Variants in SMYD3 observed in about 807,000 individuals in gnomAD.
SMYD3 encodes the protein histone-lysine N-methyltransferase SMYD3.
In SMYD3, 36 loss-of-function variants were observed where a neutral mutation model predicts 57.7. That is an observed-to-expected ratio of 0.62 (90% CI 0.48 to 0.82). The LOEUF is 0.82. Ranked by LOEUF, SMYD3 falls within the 40% of genes least tolerant of loss-of-function variation. The probability of loss-of-function intolerance (pLI) is 0.00; values close to 1 mark genes in which losing one functional copy is unlikely to be tolerated. For missense variants in SMYD3, 515 were observed against 538.8 expected (o/e 0.96, Z 0.44); for synonymous variants, 211 against 195.0 (o/e 1.08, Z -0.68).
At chr1:245,826,997 A>G (rs142977737) in intron 10 of SMYD3, among the ~76,000 whole-genome samples, 99 of 152,174 alleles carry the variant, frequency 6.5e-4, no homozygotes, top group African/African-American at 2.2e-3. Flanking sequence ...AAACCTAACC[A>G]TATCACTCCT....
chr1:246,395,931 T>C (rs1387251809), intron 1 of SMYD3, among the ~76,000 whole-genome samples: 1 of 152,192 alleles, frequency 6.6e-6, no homozygotes, highest in East Asian at 1.9e-4. Flanking sequence ...CCTGCAGACG[T>C]CAAGACACCT....
Position 246,330,508 on chromosome 1 carries a change from C to G in SMYD3, c.366G>C (p.Lys122Asn), listed in dbSNP as rs1227395363. 6.3e-7 allele frequency: 1 copy of G among 1,593,350 alleles called. No homozygotes were observed. The highest frequency in any genetic ancestry group is 1.3e-5 in the African/African-American group (1 of 74,284). The change falls in exon 4 of 12, where the codon AAG becomes AAC. Residue 122 changes from lysine (K) to asparagine (N), a missense_variant. Coordinates refer to ENST00000490107, the MANE Select transcript of SMYD3 (RefSeq NM_001167740.2). ...LMDGAPSESE[K>N]LYSFYDLESN... is the part of the protein sequence containing the mutation. ...ACTCCAGATCATAAAATGAGTAAAG[C>G]TTCTCTGATTCTGAAGGTGCTCCAT...
intron 5 of SMYD3, among the ~76,000 whole-genome samples, chr1:246,300,512 T>A (rs2064875953): frequency 6.6e-6 from 1 of 152,130 alleles, no homozygotes; most frequent in Admixed American, 6.5e-5. Flanking sequence ...TGAATGAGAA[T>A]GCTATTGATC....
At chr1:245,962,264 G>A (rs1242013298) in intron 5 of SMYD3, among the ~76,000 whole-genome samples, 1 of 152,174 alleles carries the variant, frequency 6.6e-6, no homozygotes, top group African/African-American at 2.4e-5. Flanking sequence ...CCACCCTTGG[G>A]ACTTGACGCA....
chr1:246,314,301 C>G (rs1200637821), intron 5 of SMYD3, among the ~76,000 whole-genome samples: 1 of 152,082 alleles, frequency 6.6e-6, no homozygotes, highest in South Asian at 2.1e-4. Context: ...ATAATTAGGG[C>G]TCTAACAGAG....
At chr1:246,482,688 G>A (rs2103061372) in intron 1 of SMYD3, among the ~76,000 whole-genome samples, 1 of 152,240 alleles carries the variant, frequency 6.6e-6, no homozygotes, top group South Asian at 2.1e-4. Flanking sequence ...TGAACTAAAA[G>A]ACATATAATT....
chr1:246,255,382 A>C (rs1157960515), intron 5 of SMYD3, among the ~76,000 whole-genome samples: 1 of 151,302 alleles, frequency 6.6e-6, no homozygotes, highest in Non-Finnish European at 1.5e-5. Flanking sequence ...GGTTTTTATC[A>C]TGAGGGGATT....
At chr1:245,915,469 T>A in intron 8 of SMYD3, 61 bp downstream of exon 8, 1 of 1,067,498 alleles carries the variant, frequency 9.4e-7, no homozygotes, top group African/African-American at 1.6e-5. Context: ...TAGGCAGAGT[T>A]CTCTGAAGAT....
chr1:246,248,570 A>AAAG (rs1264905659), intron 5 of SMYD3, among the ~76,000 whole-genome samples: 1 of 151,240 alleles, frequency 6.6e-6, no homozygotes, highest in Non-Finnish European at 1.5e-5. Flanking sequence ...GTCAGGCTCC[A>AAAG]AAGTCTGAGT....
intron 5 of SMYD3, among the ~76,000 whole-genome samples, chr1:246,262,345 A>G (rs932277935): frequency 6.6e-6 from 1 of 152,192 alleles, no homozygotes; most frequent in Non-Finnish European, 1.5e-5. Flanking sequence ...GAATGGGAAT[A>G]ATGTGTTACT....
At chr1:245,877,395 T>A (rs1360966124) in intron 8 of SMYD3, among the ~76,000 whole-genome samples, 1 of 152,242 alleles carries the variant, frequency 6.6e-6, no homozygotes, top group Non-Finnish European at 1.5e-5. Flanking sequence ...TGATCCTGCA[T>A]GGGCAACATG....
At position 245,762,695 on chromosome 1, in the gene SMYD3, G is replaced by A. The variant is rs75670005; in HGVS notation, c.1185+1346C>T. 2.0e-3 allele frequency among the ~76,000 whole-genome samples: 307 copies of A among 152,344 alleles called. 2 individuals carry two copies. The highest frequency in any genetic ancestry group is 7.1e-3 in the African/African-American group (295 of 41,584). ...TTTAGAGATCAAGTAAAGGCGCTAT[G>A]GCTAGCATTCGGCGAAAATGAGCAC... On this transcript the variant is annotated intron_variant, in intron 11 of 11. Transcript: ENST00000490107.
chr1:246,016,672 T>A (rs552799862), intron 5 of SMYD3, among the ~76,000 whole-genome samples: 2 of 151,816 alleles, frequency 1.3e-5, no homozygotes, highest in Non-Finnish European at 2.9e-5. Context: ...GAAATCTTGC[T>A]CTCAGTAGGA....
At chr1:246,108,989 T>C (rs896154889) in intron 5 of SMYD3, among the ~76,000 whole-genome samples, 1 of 152,222 alleles carries the variant, frequency 6.6e-6, no homozygotes, top group Non-Finnish European at 1.5e-5. Flanking sequence ...GTTACATCTT[T>C]GCTCTGTGTT....
intron 1 of SMYD3, among the ~76,000 whole-genome samples, chr1:246,439,954 A>T (rs1356031230): frequency 6.6e-6 from 1 of 152,188 alleles, no homozygotes; most frequent in African/African-American, 2.4e-5. Flanking sequence ...TGTCTCAAAA[A>T]AAAGTGTTTT....
chr1:245,959,147 A>AC (rs776647280), intron 5 of SMYD3, among the ~76,000 whole-genome samples: 5 of 128,238 alleles, frequency 3.9e-5, no homozygotes, highest in African/African-American at 1.0e-4. Flanking sequence ...AAACAAACAA[A>AC]AAACAAACAA....
chr1:246,416,700 T>C (rs994665395), intron 1 of SMYD3, among the ~76,000 whole-genome samples: 2 of 151,992 alleles, frequency 1.3e-5, no homozygotes, highest in East Asian at 1.9e-4. Context: ...GAAAATGATA[T>C]CCTGAAGTAT....
In SMYD3 at chr1:246,318,930, C is replaced by T. The variant is rs527811521; in HGVS notation, c.531+8271G>A. 9.9e-5 allele frequency among the ~76,000 whole-genome samples: 15 copies of T among 152,262 alleles called. No homozygotes were observed. In the East Asian group the frequency reaches 2.9e-3, roughly 29 times the overall value. On this transcript the variant is annotated intron_variant, in intron 5 of 11. Transcript: ENST00000490107. ...ACCAACTCATCATAGGTTATTAACA[C>T]ATAAGTGAAAAGAAATATTTAACCA...
intron 5 of SMYD3, among the ~76,000 whole-genome samples, chr1:245,987,945 C>T (rs1199033548): frequency 3.3e-5 from 5 of 152,226 alleles, no homozygotes; most frequent in African/African-American, 4.8e-5. Flanking sequence ...CACTCACAGA[C>T]TCTGCTTCAG....
Sources: allele counts gnomAD v4.1 joint callset (sites outside exome capture counted in the v4.1 genomes callset), GRCh38; gene constraint gnomAD v4.1.1; transcripts MANE v1.5; gene names NCBI Gene and HGNC (gene_info 2026-07-23, HGNC 2026-07-21).